Variants in CDH23 observed in about 807,000 individuals in gnomAD.
The protein encoded by CDH23 is cadherin related 23.
Under a neutral mutation model 317.1 loss-of-function variants are expected in CDH23, and 189 were observed. The observed-to-expected ratio is 0.60, with a 90% confidence interval of 0.53 to 0.67. The LOEUF is 0.67. Ranked by LOEUF, CDH23 falls within the 30% of genes least tolerant of loss-of-function variation. The pLI is 0.00. For missense variants in CDH23, 4,401 were observed against 4,592.4 expected, an observed-to-expected ratio of 0.96 and a Z score of 1.20; for synonymous variants, 1,839 against 1,876.8, an observed-to-expected ratio of 0.98 and a Z score of 0.52.
chr10:71,492,975 G>C (rs1001123963), intron 3 of CDH23, among the ~76,000 whole-genome samples: 1 of 152,150 alleles, frequency 6.6e-6, no homozygotes, highest in African/African-American at 2.4e-5. Context: ...CAGAAGGGCC[G>C]AGAGTGGAAC....
intron 39 of CDH23, 98 bp from the exon 40 acceptor site, chr10:71,778,091 A>G: frequency 6.5e-7 from 1 of 1,537,318 alleles, no homozygotes; most frequent in Non-Finnish European, 8.8e-7. Context: ...GTTCCCCATC[A>G]CAGCTCCAAT....
intron 3 of CDH23, among the ~76,000 whole-genome samples, chr10:71,481,843 G>T (rs957177563): frequency 1.3e-5 from 2 of 152,162 alleles, no homozygotes; most frequent in Non-Finnish European, 2.9e-5. Flanking sequence ...CCTGAGTCTC[G>T]CACTGTGTGG....
chr10:71,641,952 C>T (rs1021112142), intron 11 of CDH23, among the ~76,000 whole-genome samples: 2 of 152,072 alleles, frequency 1.3e-5, no homozygotes, highest in Admixed American at 1.3e-4. Flanking sequence ...AAAAATTAGC[C>T]GGGCATGGTG....
At chr10:71,688,739 G>GCC (rs1865024958) in intron 19 of CDH23, among the ~76,000 whole-genome samples, 3 of 140,182 alleles carry the variant, frequency 2.1e-5, no homozygotes, top group Admixed American at 7.0e-5. Context: ...AGTCAAGGGT[G>GCC]GTGGAGCCAG....
chr10:71,455,538 A>G (rs770747226), intron 3 of CDH23, among the ~76,000 whole-genome samples: 4 of 152,198 alleles, frequency 2.6e-5, no homozygotes, highest in Admixed American at 1.3e-4. Context: ...AGTGTCTTCT[A>G]TGCATCAGAC....
intron 6 of CDH23, among the ~76,000 whole-genome samples, chr10:71,564,529 A>G (rs1273418308): frequency 2.0e-5 from 3 of 152,198 alleles, no homozygotes; most frequent in African/African-American, 7.2e-5. Flanking sequence ...CTTTTCCACC[A>G]TTTCCTGAAT....
At chr10:71,647,462 CA>C (rs56367143) in intron 14 of CDH23, among the ~76,000 whole-genome samples, 126,352 of 148,006 alleles carry the variant, frequency 0.85, 54,016 homozygotes, top group African/African-American at 0.88. Flanking sequence ...GATTCTGTCT[CA>C]AAAAAAAAAA....
At chr10:71,416,032 GGT>G (rs2131934118) in intron 1 of CDH23, among the ~76,000 whole-genome samples, 1 of 152,078 alleles carries the variant, frequency 6.6e-6, no homozygotes, top group East Asian at 1.9e-4. Context: ...TTCAGATATT[GGT>G]GTCCTTACTG....
intron 35 of CDH23, among the ~76,000 whole-genome samples, chr10:71,738,983 G>A (rs1242097176): frequency 6.6e-6 from 1 of 152,240 alleles, no homozygotes; most frequent in African/African-American, 2.4e-5. Flanking sequence ...CCTAGGCCCA[G>A]CCCCATGGCA....
intron 38 of CDH23, among the ~76,000 whole-genome samples, chr10:71,767,044 T>C (rs1401405562): frequency 6.6e-6 from 1 of 152,258 alleles, no homozygotes; most frequent in African/African-American, 2.4e-5. Context: ...GCTGTGGGGA[T>C]GCAGAGTTCC....
In CDH23 at chr10:71,793,639, A is replaced by G; in HGVS notation, c.6711A>G (p.Thr2237=). 6.3e-7 allele frequency: 1 copy of G among 1,577,172 alleles called. No individual in the cohort carries two copies. Among genetic ancestry groups the G allele is most frequent in the South Asian group, 1.2e-5 (1 of 84,156 alleles). The change falls in exon 48 of 70, where the codon ACA becomes ACG. Residue 2237 remains threonine (T), a splice_region_variant and synonymous_variant. Transcript: ENST00000224721. Reference sequence around the variant, plus strand: ...ACGCCTTTGCTGTGAATATCAACACAGGTACAAGGGCCTGCACCCCTCCCA... The same window carrying G: ...ACGCCTTTGCTGTGAATATCAACACGGGTACAAGGGCCTGCACCCCTCCCA... ...QEDAFAVNIN[T]GSVMVKSPMN...
Position 71,707,028 on chromosome 10 carries a change from G to A in CDH23, c.3085G>A (p.Glu1029Lys), listed in dbSNP as rs1225140337. ...CTDNDVGLNA[E>K]LSYFITGGNV... The stretch of plus-strand genomic sequence containing the variant: ...GGACAACGACGTGGGCCTCAATGCA[G>A]AGCTCAGCTACTTCATCACAGGTGC... The change falls in exon 26 of 70, where the codon GAG becomes AAG. Residue 1029 changes from glutamate to lysine, a missense_variant. Coordinates refer to ENST00000224721, the MANE Select transcript of CDH23 (RefSeq NM_022124.6). 6.2e-7 allele frequency: 1 copy of A among 1,606,678 alleles called. No homozygotes were observed. Among genetic ancestry groups the A allele is most frequent in the Non-Finnish European group, 8.5e-7 (1 of 1,176,748 alleles).
At chr10:71,574,600 A>G (rs573101291) in intron 8 of CDH23, among the ~76,000 whole-genome samples, 1 of 152,242 alleles carries the variant, frequency 6.6e-6, no homozygotes, top group South Asian at 2.1e-4. Context: ...TAATCCCGTC[A>G]TGGAAATGGG....
At chr10:71,707,718 TG>T (rs1481841540) in intron 26 of CDH23, among the ~76,000 whole-genome samples, 1 of 152,264 alleles carries the variant, frequency 6.6e-6, no homozygotes, top group Admixed American at 6.5e-5. Flanking sequence ...CTGGGACACA[TG>T]GGGGTGCAGT....
At chr10:71,638,243 C>T (rs567710369) in intron 11 of CDH23, among the ~76,000 whole-genome samples, 9 of 152,196 alleles carry the variant, frequency 5.9e-5, no homozygotes, top group South Asian at 2.1e-4. Flanking sequence ...TGTTCCTCAA[C>T]GTTGAACTGT....
intron 6 of CDH23, among the ~76,000 whole-genome samples, chr10:71,538,841 G>A (rs1004667246): frequency 4.6e-5 from 7 of 152,158 alleles, no homozygotes; most frequent in Non-Finnish European, 1.0e-4. Flanking sequence ...AGTTCTTACC[G>A]CTCAGTATAG....
intron 6 of CDH23, among the ~76,000 whole-genome samples, chr10:71,522,938 C>T (rs981096011): frequency 2.0e-4 from 30 of 152,170 alleles, no homozygotes; most frequent in Non-Finnish European, 7.4e-5. Flanking sequence ...AAAAAACACC[C>T]AGAGAGGTTC....
intron 37 of CDH23, among the ~76,000 whole-genome samples, chr10:71,741,327 G>A (rs187331157): frequency 2.4e-4 from 37 of 152,304 alleles, no homozygotes; most frequent in Admixed American, 4.6e-4. Context: ...AAGGCAGGAT[G>A]ACATGTGGCC....
chr10:71,808,636 C>T (rs1455919391), intron 60 of CDH23, among the ~76,000 whole-genome samples: 1 of 152,200 alleles, frequency 6.6e-6, no homozygotes, highest in Non-Finnish European at 1.5e-5. Context: ...GTCCCATTAC[C>T]TTACTCCCAG....
Sources: allele counts gnomAD v4.1 joint callset (sites outside exome capture counted in the v4.1 genomes callset), GRCh38; gene constraint gnomAD v4.1.1; transcripts MANE v1.5; gene names NCBI Gene and HGNC (gene_info 2026-07-23, HGNC 2026-07-21).